The following IL33 variants were observed in gnomAD, a reference collection of about 807,000 sequenced individuals.
IL33 encodes the protein interleukin 33.
Under a neutral mutation model 27.3 loss-of-function variants are expected in IL33, and 37 were observed. The observed-to-expected ratio is 1.36, with a 90% CI of 1.04 to 1.78. The LOEUF (loss-of-function observed/expected upper bound fraction) is 1.78. IL33 is among the 40% of genes most tolerant of loss of function. The pLI is 0.00. For synonymous variants in IL33, 132 were observed against 102.9 expected, an observed-to-expected ratio of 1.28 and a Z score of -1.71; for missense variants, 406 against 311.4, an observed-to-expected ratio of 1.30 and a Z score of -2.29.
At position 6,257,609 on chromosome 9, in the gene IL33, T is replaced by A. The variant is rs956531948; in HGVS notation, c.*1441T>A. ...TTTCTATTACAACTTTTCTTAGACT[T>A]AACACTTATGATAAATGACTAACAT... On this transcript the variant is annotated 3_prime_UTR_variant, in exon 8 of 8. Transcript: ENST00000682010. The A allele has an allele frequency of 6.6e-6, 1 of 152,622 alleles. No individual in the cohort carries two copies. The highest frequency in any genetic ancestry group is 6.5e-5 in the Admixed American group (1 of 15,276). 9.5% of individuals were successfully genotyped at this position (152,622 alleles called of 1,614,324 possible). A position where few individuals can be genotyped will look rare whatever the true frequency, so the allele number is the denominator to read the frequency against.
At chr9:6,254,892 A>C (rs1263454241) in intron 7 of IL33, among the ~76,000 whole-genome samples, 2 of 152,268 alleles carry the variant, frequency 1.3e-5, no homozygotes, top group East Asian at 3.9e-4. Context: ...ATGTGCCTTA[A>C]AGTTTGAGAA....
intron 1 of IL33, among the ~76,000 whole-genome samples, chr9:6,236,056 C>CAT (rs1819190418): frequency 7.0e-6 from 1 of 142,408 alleles, no homozygotes; most frequent in African/African-American, 2.5e-5. Flanking sequence ...CACACACACA[C>CAT]ACAACTGTCA....
At chr9:6,227,537 T>C (rs1463213225) in intron 1 of IL33, among the ~76,000 whole-genome samples, 1 of 152,222 alleles carries the variant, frequency 6.6e-6, no homozygotes, top group African/African-American at 2.4e-5. Flanking sequence ...GAAGCATATT[T>C]ATATTAATAA....
intron 1 of IL33, among the ~76,000 whole-genome samples, chr9:6,224,932 G>A (rs573732282): frequency 1.9e-4 from 29 of 151,904 alleles, no homozygotes; most frequent in Non-Finnish European, 4.0e-4. Flanking sequence ...TACTGACTCA[G>A]GTATATATAA....
chr9:6,254,463 T>A lies in IL33; in HGVS notation c.522T>A (p.Gly174=), dbSNP rs1160291949. The change falls in exon 7 of 8, where the codon GGT becomes GGA. Residue 174 remains glycine, a splice_region_variant and synonymous_variant. Coordinates refer to ENST00000682010, the MANE Select transcript of IL33 (RefSeq NM_033439.4). ...YESQHPSNES[G]DGVDGKMLMV... ...CATTTATACTTTCTTAATTGTAAGG[T>A]GACGGTGTTGATGGTAAGATGTTAA... 1 of 1,569,416 alleles carries A rather than the reference T, an allele frequency of 6.4e-7. No homozygotes were observed. The highest frequency in any genetic ancestry group is 1.8e-5 in the Admixed American group (1 of 56,142).
intron 1 of IL33, among the ~76,000 whole-genome samples, chr9:6,224,660 C>T (rs1818552754): frequency 2.0e-5 from 3 of 152,162 alleles, no homozygotes; most frequent in African/African-American, 7.2e-5. Flanking sequence ...CAAATGCTCT[C>T]CTACTTTTTG....
chr9:6,218,445 G>A (rs906659745), intron 1 of IL33, among the ~76,000 whole-genome samples: 3 of 151,834 alleles, frequency 2.0e-5, no homozygotes, highest in East Asian at 3.9e-4. Context: ...TCTTGGCCAG[G>A]GTTTCCCAGT....
At chr9:6,220,667 T>C (rs1055461208) in intron 1 of IL33, among the ~76,000 whole-genome samples, 1 of 152,212 alleles carries the variant, frequency 6.6e-6, no homozygotes, top group Non-Finnish European at 1.5e-5. Flanking sequence ...ATATATATTA[T>C]TTGTCCACAT....
chr9:6,234,479 C>T (rs745709782), intron 1 of IL33, among the ~76,000 whole-genome samples: 4 of 152,146 alleles, frequency 2.6e-5, no homozygotes, highest in East Asian at 1.9e-4. Context: ...CAGAAAGAGC[C>T]GAGGAGGCAT....
At chr9:6,231,782 C>A (rs1260262549) in intron 1 of IL33, among the ~76,000 whole-genome samples, 1 of 152,092 alleles carries the variant, frequency 6.6e-6, no homozygotes, top group Non-Finnish European at 1.5e-5. Context: ...TCATTTGTGC[C>A]CTCAGGATCT....
intron 7 of IL33, among the ~76,000 whole-genome samples, chr9:6,255,605 A>C (rs1249585341): frequency 6.6e-6 from 1 of 152,124 alleles, no homozygotes; most frequent in Non-Finnish European, 1.5e-5. Flanking sequence ...GGATTGACTG[A>C]TCTAGAAAAC....
At chr9:6,226,015 C>T (rs530934141) in intron 1 of IL33, among the ~76,000 whole-genome samples, 1 of 152,004 alleles carries the variant, frequency 6.6e-6, no homozygotes, top group Non-Finnish European at 1.5e-5. Context: ...TCTTCTCTCT[C>T]TCTCTTTTTA....
intron 7 of IL33, 63 bp from the exon 8 acceptor site, chr9:6,255,905 C>T: frequency 1.6e-6 from 2 of 1,283,656 alleles, no homozygotes; most frequent in Non-Finnish European, 2.3e-6. Context: ...CCAATACAGG[C>T]AGGTAAAGTT....
At chr9:6,240,692 G>A (rs1489179009) in intron 1 of IL33, among the ~76,000 whole-genome samples, 1 of 152,122 alleles carries the variant, frequency 6.6e-6, no homozygotes, top group Admixed American at 6.5e-5. Flanking sequence ...GGCGTAGGTC[G>A]TTACTGACCA....
chr9:6,218,909 TATATA>T (rs1818291884), intron 1 of IL33, among the ~76,000 whole-genome samples: 1 of 73,444 alleles, frequency 1.4e-5, no homozygotes, highest in Non-Finnish European at 3.0e-5. Context: ...CATATATATA[TATATA>T]TATATATATA....
chr9:6,251,213 T>A lies in IL33; in HGVS notation c.291T>A (p.Gly97=). 1 of 1,614,002 alleles carries A rather than the reference T, an allele frequency of 6.2e-7. No homozygotes were observed. The highest frequency in any genetic ancestry group is 8.5e-7 in the Non-Finnish European group (1 of 1,179,892). The part of the protein sequence containing the change: ...QQSTVECFAF[G]ISGVQKYTRA... ...CTACTGTGGAGTGCTTTGCCTTTGG[T>A]ATATCAGGGGTCCAGAAATATACTA... The change falls in exon 4 of 8, where the codon GGT becomes GGA. Residue 97 remains glycine (G), a synonymous_variant. Coordinates refer to ENST00000682010, the MANE Select transcript of IL33 (RefSeq NM_033439.4).
chr9:6,243,218 T>C (rs925913119), intron 2 of IL33, among the ~76,000 whole-genome samples: 9 of 152,150 alleles, frequency 5.9e-5, no homozygotes, highest in African/African-American at 9.7e-5. Flanking sequence ...CAAGTCTATC[T>C]AGCTGCAAAC....
At chr9:6,227,377 T>C (rs1369691551) in intron 1 of IL33, among the ~76,000 whole-genome samples, 1 of 152,186 alleles carries the variant, frequency 6.6e-6, no homozygotes, top group Non-Finnish European at 1.5e-5. Context: ...CCCCTCAATG[T>C]TGTTTGAAAA....
intron 1 of IL33, among the ~76,000 whole-genome samples, chr9:6,232,977 T>A (rs902597803): frequency 3.9e-5 from 6 of 152,218 alleles, no homozygotes; most frequent in Non-Finnish European, 8.8e-5. Flanking sequence ...AAATTCCTTT[T>A]TGAACCATTT....
Sources: allele counts gnomAD v4.1 joint callset (sites outside exome capture counted in the v4.1 genomes callset), GRCh38; gene constraint gnomAD v4.1.1; transcripts MANE v1.5; gene names NCBI Gene and HGNC (gene_info 2026-07-23, HGNC 2026-07-21).